Variants in CDIN1 observed in about 807,000 individuals in gnomAD.
CDIN1 encodes the protein CDAN1-interacting nuclease 1.
In CDIN1, 33 loss-of-function variants were observed where a neutral mutation model predicts 45.3. That is an observed-to-expected ratio of 0.73 (90% CI 0.55 to 0.97). The LOEUF is 0.97. CDIN1 is among the 50% of genes least tolerant of loss of function. CDIN1 has a pLI of 0.00. For synonymous variants in CDIN1, 118 were observed against 124.4 expected (o/e 0.95, Z 0.34); for missense variants, 303 against 339.4 (o/e 0.89, Z 0.84).
intron 5 of CDIN1, among the ~76,000 whole-genome samples, chr15:36,666,929 C>A (rs1404489357): frequency 1.3e-5 from 2 of 152,136 alleles, no homozygotes; most frequent in African/African-American, 2.4e-5. Flanking sequence ...TTCCTCATAA[C>A]AACTTTATAA....
intron 1 of CDIN1, among the ~76,000 whole-genome samples, chr15:36,635,471 A>C (rs779963222): frequency 6.6e-6 from 1 of 152,140 alleles, no homozygotes; most frequent in Non-Finnish European, 1.5e-5. Context: ...TGTATACATG[A>C]GTCCTGCAGG....
chr15:36,655,793 A>G (rs552018710), intron 4 of CDIN1, among the ~76,000 whole-genome samples: 1 of 152,306 alleles, frequency 6.6e-6, no homozygotes, highest in Non-Finnish European at 1.5e-5. Context: ...TGATGCAAAT[A>G]TGGTACCCAT....
At chr15:36,752,992 A>G (rs2053515439) in intron 10 of CDIN1, among the ~76,000 whole-genome samples, 1 of 152,162 alleles carries the variant, frequency 6.6e-6, no homozygotes, top group Non-Finnish European at 1.5e-5. Flanking sequence ...GTGTTTTGGA[A>G]GAGAGACGTA....
At chr15:36,728,912 G>T (rs1165925149) in intron 10 of CDIN1, among the ~76,000 whole-genome samples, 1 of 152,034 alleles carries the variant, frequency 6.6e-6, no homozygotes, top group Non-Finnish European at 1.5e-5. Flanking sequence ...GACCTCAGGT[G>T]ATCCTCCTGC....
intron 8 of CDIN1, chr15:36,706,506 G>GC (rs2042869793): frequency 7.1e-6 from 1 of 140,298 alleles, no homozygotes; most frequent in African/African-American, 2.7e-5. Flanking sequence ...CCAGCTACTT[G>GC]AAAGGCTGAG....
chr15:36,720,650 G>A (rs1408544782), intron 10 of CDIN1, among the ~76,000 whole-genome samples: 1 of 152,082 alleles, frequency 6.6e-6, no homozygotes, highest in Non-Finnish European at 1.5e-5. Flanking sequence ...GTGTATATGT[G>A]CCACATTTTC....
At chr15:36,735,094 G>C (rs1476817987) in intron 10 of CDIN1, among the ~76,000 whole-genome samples, 1 of 152,148 alleles carries the variant, frequency 6.6e-6, no homozygotes, top group Non-Finnish European at 1.5e-5. Flanking sequence ...TAGTCATTCA[G>C]TGGATTGAAT....
chr15:36,611,359 C>T (rs116509555), intron 1 of CDIN1, among the ~76,000 whole-genome samples: 1,835 of 152,252 alleles, frequency 0.012, 32 homozygotes, highest in African/African-American at 0.042. Flanking sequence ...CTCTCCAGCA[C>T]GTGGAAATTG....
intron 10 of CDIN1, among the ~76,000 whole-genome samples, chr15:36,797,737 TG>T (rs112386715): frequency 6.6e-6 from 1 of 152,084 alleles, no homozygotes; most frequent in East Asian, 1.9e-4. Context: ...CCCAGCACTT[TG>T]GGGGGCCGAG....
At chr15:36,743,122 G>A (rs2044296129) in intron 10 of CDIN1, among the ~76,000 whole-genome samples, 1 of 152,222 alleles carries the variant, frequency 6.6e-6, no homozygotes. Context: ...GGATAGAGAA[G>A]ATGATATTGG....
intron 10 of CDIN1, among the ~76,000 whole-genome samples, chr15:36,800,909 G>GTGTATATATATATATATATATATA (rs1156514805): frequency 1.3e-4 from 3 of 22,388 alleles, no homozygotes; most frequent in Non-Finnish European, 3.5e-4. Context: ...GTGTGTGTGT[G>GTGTATATATATATATATATATATA]TATATATATA....
At chr15:36,712,305 A>G (rs1397400968) in intron 10 of CDIN1, among the ~76,000 whole-genome samples, 3 of 117,028 alleles carry the variant, frequency 2.6e-5, no homozygotes, top group African/African-American at 3.4e-5. Context: ...TCACTCTGTC[A>G]TCCAGGGTGG....
At position 36,764,845 on chromosome 15, in the gene CDIN1, C is replaced by T. The variant is rs2053869511; in HGVS notation, c.717-43479C>T. 2.0e-5 allele frequency among the ~76,000 whole-genome samples: 3 copies of T among 152,232 alleles called. 1 individual carries two copies. Among genetic ancestry groups the T allele is most frequent in the Admixed American group, 2.0e-4 (3 of 15,292 alleles). On this transcript the variant is annotated intron_variant, in intron 10 of 10. Coordinates refer to ENST00000566621, the MANE Select transcript of CDIN1 (RefSeq NM_001321759.2). The stretch of plus-strand genomic sequence containing the variant: ...TGCAACTTTTTAAGAGGAACAGACA[C>T]ATGCCCTTCTTTGCCATTTGCTGCC...
chr15:36,743,914 A>T (rs1162310148), intron 10 of CDIN1, among the ~76,000 whole-genome samples: 1 of 150,950 alleles, frequency 6.6e-6, no homozygotes, highest in East Asian at 2.0e-4. Flanking sequence ...AAAAAAAAAC[A>T]CGAGGCTGTC....
chr15:36,579,689 C>T lies in CDIN1; in HGVS notation c.-172C>T, dbSNP rs952689965. The T allele has an allele frequency of 5.2e-6, 3 of 576,756 alleles. No homozygotes were observed. Among genetic ancestry groups the T allele is most frequent in the African/African-American group, 1.9e-5 (1 of 53,254 alleles). 35.7% of individuals were successfully genotyped at this position (576,756 alleles called of 1,614,324 possible). On this transcript the variant is annotated 5_prime_UTR_variant, in exon 1 of 11. Transcript: ENST00000566621. ...GTGGAGCCTGGGACCGGGCGAGTCT[C>T]CGCCCCGCTTTTGCAGCTAGGGGTG... is the stretch of plus-strand genomic sequence containing the variant.
intron 8 of CDIN1, 157 bp from the exon 9 acceptor site, chr15:36,709,066 G>A (rs1479794325): frequency 8.3e-6 from 4 of 484,782 alleles, no homozygotes; most frequent in Non-Finnish European, 1.4e-5. Context: ...GTGTTGTTCA[G>A]AAAGTTCATT....
chr15:36,684,243 C>G (rs1301498578), intron 5 of CDIN1, among the ~76,000 whole-genome samples: 1 of 150,838 alleles, frequency 6.6e-6, no homozygotes, highest in East Asian at 2.0e-4. Context: ...TTTTGAAATA[C>G]GTCCCATCAA....
intron 5 of CDIN1, among the ~76,000 whole-genome samples, chr15:36,677,597 C>T (rs1370765499): frequency 6.6e-6 from 1 of 152,148 alleles, no homozygotes; most frequent in Non-Finnish European, 1.5e-5. Flanking sequence ...AACATTTCAG[C>T]ATCCTGATCA....
In CDIN1 at chr15:36,654,068, T is replaced by G. The variant is rs749273583; in HGVS notation, c.213-30T>G. The G allele has an allele frequency of 1.9e-6, 3 of 1,544,750 alleles. No individual in the cohort carries two copies. In the South Asian group the frequency reaches 3.6e-5, roughly 18 times the overall value. ...GTCTATGCTGGCCTTTTCTTGTCACTGCATTACCACTTGGCTTTGTCTTGT... is the reference window on the plus strand; with the variant it reads ...GTCTATGCTGGCCTTTTCTTGTCACGGCATTACCACTTGGCTTTGTCTTGT... On this transcript the variant is annotated intron_variant, in intron 3 of 10. Coordinates refer to ENST00000566621, the MANE Select transcript of CDIN1 (RefSeq NM_001321759.2).
Sources: allele counts gnomAD v4.1 joint callset (sites outside exome capture counted in the v4.1 genomes callset), GRCh38; gene constraint gnomAD v4.1.1; transcripts MANE v1.5; gene names NCBI Gene and HGNC (gene_info 2026-07-23, HGNC 2026-07-21).